GCKR: variants seen among roughly 807,000 people sequenced by gnomAD.
The protein encoded by GCKR is glucokinase regulatory protein.
A neutral mutation model predicts 82.9 loss-of-function variants in GCKR; 73 were observed. That is an observed-to-expected ratio of 0.88 (90% CI 0.73 to 1.07). The LOEUF is 1.07. Ranked by LOEUF, GCKR falls within the 50% of genes least tolerant of loss-of-function variation. The probability of loss-of-function intolerance (pLI) is 0.00; values close to 1 mark genes in which losing one functional copy is unlikely to be tolerated. For missense variants in GCKR, 784 were observed against 782.1 expected (o/e 1.00, Z -0.03); for synonymous variants, 294 against 291.8 (o/e 1.01, Z -0.08).
rs753861855 is a variant in GCKR, at chr2:27,501,252, G to A, written c.644+23G>A. 2.7e-6 allele frequency: 4 copies of A among 1,495,362 alleles called. No individual in the cohort carries two copies. The East Asian group carries it at 6.8e-5, about 25-fold the overall frequency. 92.6% of individuals were successfully genotyped at this position (1,495,362 alleles called of 1,614,324 possible). A position where few individuals can be genotyped will look rare whatever the true frequency, so the allele number is the denominator to read the frequency against. On this transcript the variant is annotated intron_variant, in intron 8 of 18. Transcript: ENST00000264717. Reference sequence around the variant, plus strand: ...CAGGTGAGCCTTCTGGAATGACTGGGCAGCCCTGGGGCAGGCTGGAGGGGA... The same window carrying A: ...CAGGTGAGCCTTCTGGAATGACTGGACAGCCCTGGGGCAGGCTGGAGGGGA...
At chr2:27,508,113 T>G in intron 15 of GCKR, 39 bp downstream of exon 15, 8 of 1,587,380 alleles carry the variant, frequency 5.0e-6, no homozygotes, top group Non-Finnish European at 6.9e-6. Context: ...CAGGTGGCAG[T>G]TGCAGCCAGG....
intron 8 of GCKR, among the ~76,000 whole-genome samples, chr2:27,502,005 G>A (rs1232318766): frequency 6.6e-6 from 1 of 152,162 alleles, no homozygotes; most frequent in African/African-American, 2.4e-5. Context: ...CAGGTTTGGG[G>A]AACTCTGCTA....
intron 16 of GCKR, among the ~76,000 whole-genome samples, chr2:27,516,283 GT>G (rs35189790): frequency 1.2e-3 from 68 of 58,548 alleles, no homozygotes; most frequent in East Asian, 6.3e-3. Flanking sequence ...CTTCATTCTT[GT>G]TTTTTTTTTT....
intron 8 of GCKR, among the ~76,000 whole-genome samples, chr2:27,501,531 A>T (rs1669577967): frequency 6.6e-6 from 1 of 152,344 alleles, no homozygotes; most frequent in African/African-American, 2.4e-5. Context: ...ATGGAGGATA[A>T]AATGGGGTCA....
intron 16 of GCKR, among the ~76,000 whole-genome samples, chr2:27,512,565 A>T (rs1669915632): frequency 6.6e-6 from 1 of 151,770 alleles, no homozygotes; most frequent in South Asian, 2.1e-4. Context: ...ATAATTGGAG[A>T]TGCCTGATAT....
intron 8 of GCKR, among the ~76,000 whole-genome samples, chr2:27,502,089 T>C (rs1669597453): frequency 6.6e-6 from 1 of 152,150 alleles, no homozygotes; most frequent in East Asian, 1.9e-4. Context: ...CAAAGGCTTG[T>C]TGATTATTTT....
At chr2:27,497,118 G>T in intron 1 of GCKR, 126 bp from the exon 2 acceptor site, 1 of 1,252,916 alleles carries the variant, frequency 8.0e-7, no homozygotes, top group Non-Finnish European at 1.2e-6. Context: ...CTGAGTTTCT[G>T]GTGTGGTATG....
intron 16 of GCKR, chr2:27,509,789 AAAC>A (rs1218296588): frequency 6.2e-6 from 1 of 160,620 alleles, no homozygotes; most frequent in African/African-American, 2.4e-5. Flanking sequence ...AAAAAAAAAA[AAAC>A]ACTCTAACAA....
intron 17 of GCKR, 34 bp downstream of exon 17, chr2:27,518,971 C>G (rs779209404): frequency 5.7e-6 from 9 of 1,572,738 alleles, no homozygotes; most frequent in Non-Finnish European, 7.9e-6. Context: ...TGGGTGGGAC[C>G]TGGCCTCAAT....
rs1558437834 is a variant in GCKR at position 27,507,275 on chromosome 2, T to G, written c.1107T>G (p.Ser369Arg). The change falls in exon 13 of 19, where the codon AGT becomes AGG. Residue 369 changes from serine (S) to arginine (R), a missense_variant. By Grantham distance (110) the Ser-to-Arg change is moderately radical. Transcript: ENST00000264717. ...DVRGFLIGDH[S>R]DMFNQKAELT... ...GTGGCTTTCTCATTGGTGATCACAGTGACATGTTTAACCAGAAGGCTGAGC... is the reference window on the plus strand; with the variant it reads ...GTGGCTTTCTCATTGGTGATCACAGGGACATGTTTAACCAGAAGGCTGAGC... 6 of 1,612,778 alleles carry G rather than the reference T, an allele frequency of 3.7e-6. No individual in the cohort carries two copies. Among genetic ancestry groups the G allele is most frequent in the Non-Finnish European group, 5.1e-6 (6 of 1,178,920 alleles).
chr2:27,497,229 C>A lies in GCKR; in HGVS notation c.61-15C>A. On this transcript the variant is annotated splice_polypyrimidine_tract_variant and intron_variant, in intron 1 of 18. Coordinates refer to ENST00000264717, the MANE Select transcript of GCKR (RefSeq NM_001486.4). ...TTTGGCTTCCTGCTCCATCCTTGTC[C>A]CCTCTTCCTTCTAGTTGTCTGGGTA... The A allele has an allele frequency of 1.2e-6, 2 of 1,614,162 alleles. No individual in the cohort carries two copies. The highest frequency in any genetic ancestry group is 2.2e-5 in the South Asian group (2 of 91,086).
chr2:27,507,565 A>C, intron 13 of GCKR, 116 bp from the exon 14 acceptor site: 1 of 742,386 alleles, frequency 1.3e-6, no homozygotes, highest in South Asian at 1.5e-5. Context: ...TTTGAACTTC[A>C]GCTCTTTCAC....
chr2:27,499,422 T>C lies in GCKR; in HGVS notation c.521T>C (p.Ile174Thr). The part of the protein sequence containing the change: ...KKVAAGKKRV[I>T]VIGISVGLSA... The stretch of plus-strand genomic sequence containing the variant: ...GTGGCTGCCGGGAAGAAGAGAGTGA[T>C]TGTCATTGGCATTTCTGTGGGACTC... The change falls in exon 7 of 19, where the codon ATT becomes ACT. Residue 174 changes from isoleucine to threonine, a missense_variant. Physicochemically the swap from Ile to Thr is moderately conservative, Grantham distance 89. Transcript: ENST00000264717. 1.2e-6 allele frequency: 2 copies of C among 1,612,794 alleles called. No homozygotes were observed. Among genetic ancestry groups the C allele is most frequent in the East Asian group, 2.2e-5 (1 of 44,878 alleles).
chr2:27,498,195 G>A, intron 3 of GCKR, 60 bp from the exon 4 acceptor site: 2 of 1,279,066 alleles, frequency 1.6e-6, no homozygotes, highest in South Asian at 2.4e-5. Flanking sequence ...ACAAAGAAAA[G>A]AATATTCTTC....
intron 17 of GCKR, 30 bp downstream of exon 17, chr2:27,518,967 G>A (rs1670083998): frequency 2.6e-6 from 4 of 1,536,092 alleles, no homozygotes; most frequent in African/African-American, 1.4e-5. Flanking sequence ...GGGTTGGGTG[G>A]GACCTGGCCT....
At chr2:27,504,294 G>T (rs1021254987) in intron 9 of GCKR, among the ~76,000 whole-genome samples, 4 of 151,400 alleles carry the variant, frequency 2.6e-5, no homozygotes, top group African/African-American at 4.9e-5. Context: ...ATGCTCATCT[G>T]TCTTTCCTCC....
intron 13 of GCKR, 32 bp downstream of exon 13, chr2:27,507,343 G>A: frequency 1.5e-6 from 2 of 1,377,200 alleles, no homozygotes; most frequent in Non-Finnish European, 2.1e-6. Context: ...GGGAAGCTGG[G>A]GAGACCACTA....
rs1042106128 is a variant in GCKR at position 27,506,465 on chromosome 2, G to A, written c.870-16G>A. ...GGAATTGGGCCCTTCTTGAGAGCTG[G>A]TGGCTTTTCTCCCAGATGCCTCCTG... is the stretch of plus-strand genomic sequence containing the variant. On this transcript the variant is annotated splice_polypyrimidine_tract_variant and intron_variant, in intron 10 of 18. Transcript: ENST00000264717. 1.3e-6 allele frequency: 2 copies of A among 1,580,532 alleles called. No individual in the cohort carries two copies. The highest frequency in any genetic ancestry group is 1.7e-4 in the Middle Eastern group (1 of 5,990).
In GCKR at chr2:27,523,530, A is replaced by T; in HGVS notation, c.*91A>T. The T allele has an allele frequency of 7.6e-7, 1 of 1,323,906 alleles. No homozygotes were observed. Among genetic ancestry groups the T allele is most frequent in the Non-Finnish European group, 1.1e-6 (1 of 932,946 alleles). 82.0% of individuals were successfully genotyped at this position (1,323,906 alleles called of 1,614,324 possible). A position where few individuals can be genotyped will look rare whatever the true frequency, so the allele number is the denominator to read the frequency against. On this transcript the variant is annotated 3_prime_UTR_variant, in exon 19 of 19. Coordinates refer to ENST00000264717, the MANE Select transcript of GCKR (RefSeq NM_001486.4). Reference sequence around the variant, plus strand: ...GACTTGTGCCAGCAGAACATGTGGGAGGAAGAAGCCCCGTTTCCAGGGCAT... The same window carrying T: ...GACTTGTGCCAGCAGAACATGTGGGTGGAAGAAGCCCCGTTTCCAGGGCAT...
Sources: allele counts gnomAD v4.1 joint callset (sites outside exome capture counted in the v4.1 genomes callset), GRCh38; gene constraint gnomAD v4.1.1; transcripts MANE v1.5; gene names NCBI Gene and HGNC (gene_info 2026-07-23, HGNC 2026-07-21).